The following NHLRC2 variants were observed in gnomAD, a reference collection of about 807,000 sequenced individuals.
NHLRC2 encodes the protein NHL repeat containing 2, also known as NHL repeat-containing protein 2.
Under a neutral mutation model 68.1 loss-of-function variants are expected in NHLRC2, and 33 were observed. The observed-to-expected ratio is 0.48, with a 90% CI of 0.37 to 0.65. NHLRC2 has a LOEUF of 0.65. Ranked by LOEUF, NHLRC2 falls within the 30% of genes least tolerant of loss-of-function variation. The pLI is 0.00. For missense variants in NHLRC2, 761 were observed against 853.8 expected, an observed-to-expected ratio of 0.89 and a Z score of 1.35; for synonymous variants, 311 against 309.6, an observed-to-expected ratio of 1.00 and a Z score of -0.05.
intron 5 of NHLRC2, among the ~76,000 whole-genome samples, chr10:113,895,558 A>G (rs1846168725): frequency 6.6e-6 from 1 of 152,156 alleles, no homozygotes; most frequent in African/African-American, 2.4e-5. Flanking sequence ...AGGATGAGAA[A>G]GGAGGGAGCA....
chr10:113,882,723 T>C (rs1846046380), intron 4 of NHLRC2, among the ~76,000 whole-genome samples: 2 of 151,828 alleles, frequency 1.3e-5, no homozygotes, highest in Non-Finnish European at 3.0e-5. Flanking sequence ...CATTTTTTCC[T>C]TTTGTTGCTT....
chr10:113,870,736 A>G (rs1378850016), intron 2 of NHLRC2, among the ~76,000 whole-genome samples: 6 of 152,196 alleles, frequency 3.9e-5, no homozygotes, highest in Non-Finnish European at 7.4e-5. Context: ...AAGTTGTACC[A>G]GTTTGTATTT....
Position 113,876,895 on chromosome 10 carries a change from G to A in NHLRC2, c.706G>A (p.Asp236Asn), listed in dbSNP as rs2134707263. The A allele has an allele frequency of 6.2e-7, 1 of 1,612,590 alleles. No homozygotes were observed. Among genetic ancestry groups the A allele is most frequent in the Non-Finnish European group, 8.5e-7 (1 of 1,179,158 alleles). The part of the protein sequence containing the change: ...PGKVTVDQVT[D>N]RLVIADTGHH... ...CAAAGTAACAGTAGACCAAGTTACTGATAGATTGGTAATAGCAGACACTGG... is the reference window on the plus strand; with the variant it reads ...CAAAGTAACAGTAGACCAAGTTACTAATAGATTGGTAATAGCAGACACTGG... Residue 236 changes from aspartate (D) to asparagine (N), a missense_variant, in exon 3 of 11, where the codon GAT becomes AAT. Coordinates refer to ENST00000369301, the MANE Select transcript of NHLRC2 (RefSeq NM_198514.4).
chr10:113,855,262 C>G (rs1845735888), intron 1 of NHLRC2, among the ~76,000 whole-genome samples: 1 of 152,216 alleles, frequency 6.6e-6, no homozygotes, highest in Non-Finnish European at 1.5e-5. Context: ...CACGGGGATC[C>G]ACATACTCGT....
intron 5 of NHLRC2, 29 bp from the exon 6 acceptor site, chr10:113,898,081 T>C (rs1278931546): frequency 2.2e-6 from 3 of 1,347,778 alleles, no homozygotes; most frequent in Admixed American, 1.7e-5. Context: ...CAGATATGTA[T>C]ATAATAATAA....
Position 113,913,356 on chromosome 10 carries a change from A to G in NHLRC2, c.*4820A>G, listed in dbSNP as rs893477501. 2.0e-5 allele frequency: 3 copies of G among 152,242 alleles called. No individual in the cohort carries two copies. Among genetic ancestry groups the G allele is most frequent in the Non-Finnish European group, 4.4e-5 (3 of 68,038 alleles). The allele number at this position is 152,242 out of a possible 1,614,324, so 9.4% of individuals were successfully genotyped here. On this transcript the variant is annotated 3_prime_UTR_variant, in exon 11 of 11. Coordinates refer to ENST00000369301, the MANE Select transcript of NHLRC2 (RefSeq NM_198514.4). ...TTGTTTCTGCAATTTAAATAAATCC[A>G]TTTAATTATACAACTTTGCATTATA...
chr10:113,884,609 CTA>C lies in NHLRC2; in HGVS notation c.1039+231_1039+232del, dbSNP rs951876032. Reference sequence around the variant, plus strand: ...TTACATATTTTATCTATAAGATAGACTATGTGTTACTCTAAAGAATTATATAT... The same window carrying C: ...TTACATATTTTATCTATAAGATAGACTGTGTTACTCTAAAGAATTATATAT... On this transcript the variant is annotated intron_variant, in intron 5 of 10. Coordinates refer to ENST00000369301, the MANE Select transcript of NHLRC2 (RefSeq NM_198514.4). Among the ~76,000 whole-genome samples the C allele has an allele frequency of 4.8e-4, 73 of 150,992 alleles. 2 individuals carry two copies. The highest frequency in any genetic ancestry group is 1.8e-3 in the Admixed American group (28 of 15,176).
At chr10:113,890,206 G>A (rs1846118891) in intron 5 of NHLRC2, among the ~76,000 whole-genome samples, 1 of 152,172 alleles carries the variant, frequency 6.6e-6, no homozygotes, top group Non-Finnish European at 1.5e-5. Context: ...TCTGCTGGCA[G>A]TGATTTTTCT....
intron 4 of NHLRC2, 117 bp from the exon 5 acceptor site, chr10:113,884,134 A>C (rs1240056645): frequency 9.9e-6 from 8 of 808,250 alleles, no homozygotes; most frequent in Non-Finnish European, 1.5e-5. Flanking sequence ...TCATAATAAA[A>C]CTTTGTACTG....
chr10:113,863,735 A>G (rs1404335104), intron 2 of NHLRC2, among the ~76,000 whole-genome samples: 3 of 152,166 alleles, frequency 2.0e-5, no homozygotes, highest in Non-Finnish European at 4.4e-5. Context: ...TAGCTAGACT[A>G]AGAAAAAAGA....
rs1271167903 is a variant in NHLRC2 at position 113,854,794 on chromosome 10, A to G, written c.-79A>G. 35 of 1,279,944 alleles carry G rather than the reference A, an allele frequency of 2.7e-5. No homozygotes were observed. Among genetic ancestry groups the G allele is most frequent in the Non-Finnish European group, 3.6e-5 (34 of 935,718 alleles). 79.3% of individuals were successfully genotyped at this position (1,279,944 alleles called of 1,614,324 possible). A position where few individuals can be genotyped will look rare whatever the true frequency, so the allele number is the denominator to read the frequency against. ...GAGGTGAATGCGCCGTTTGGAAACCACAGGACAGTGAACGTTTCGTCTCTC... is the reference window on the plus strand; with the variant it reads ...GAGGTGAATGCGCCGTTTGGAAACCGCAGGACAGTGAACGTTTCGTCTCTC... On this transcript the variant is annotated 5_prime_UTR_variant, in exon 1 of 11. Coordinates refer to ENST00000369301, the MANE Select transcript of NHLRC2 (RefSeq NM_198514.4).
At chr10:113,865,236 ACCGCGC>A (rs1422864211) in intron 2 of NHLRC2, among the ~76,000 whole-genome samples, 4 of 150,332 alleles carry the variant, frequency 2.7e-5, no homozygotes, top group Non-Finnish European at 5.9e-5. Flanking sequence ...GGTGTGAGCC[ACCGCGC>A]CCGGCCACAA....
intron 2 of NHLRC2, among the ~76,000 whole-genome samples, chr10:113,868,602 C>T (rs920144972): frequency 2.6e-5 from 4 of 152,114 alleles, no homozygotes; most frequent in East Asian, 1.9e-4. Context: ...TTCCTACTTA[C>T]GTACTAGGCA....
rs141593652 is a variant in NHLRC2 at position 113,893,550 on chromosome 10, CATT to C, written c.1040-4557_1040-4555del. Among the ~76,000 whole-genome samples the C allele has an allele frequency of 1.6e-4, 25 of 152,238 alleles. 1 individual carries two copies. The East Asian group carries it at 4.8e-3, about 29-fold the overall frequency. ...AGAAAGTGACCTGGGTGATGATTAT[CATT>C]ATCCTCATAAGTTGGTATGTAGAAT... On this transcript the variant is annotated intron_variant, in intron 5 of 10. Transcript: ENST00000369301.
At chr10:113,863,496 C>T (rs915535140) in intron 2 of NHLRC2, among the ~76,000 whole-genome samples, 2 of 151,780 alleles carry the variant, frequency 1.3e-5, no homozygotes, top group Admixed American at 6.6e-5. Flanking sequence ...GTTATAAATG[C>T]TTATATTAAA....
intron 10 of NHLRC2, among the ~76,000 whole-genome samples, chr10:113,907,886 T>C (rs1043409715): frequency 6.6e-6 from 1 of 152,190 alleles, no homozygotes; most frequent in Non-Finnish European, 1.5e-5. Flanking sequence ...CCCTAAAGAC[T>C]TTCATCTCTT....
chr10:113,864,856 G>C (rs1384405328), intron 2 of NHLRC2, among the ~76,000 whole-genome samples: 1 of 152,012 alleles, frequency 6.6e-6, no homozygotes, highest in Non-Finnish European at 1.5e-5. Flanking sequence ...TGTTAAATAT[G>C]TAAGAAATTT....
rs1381757584 is a variant in NHLRC2, at chr10:113,904,973, G to C, written c.1861G>C (p.Asp621His). ...GACTCTTCAGTTCAAACTCAGATTA[G>C]ACCTCCCATCAGGATCAAAGCTAAC... ...GQTLQFKLRLDLPSGSKLTEG... is the reference protein window; with the variant it reads ...GQTLQFKLRLHLPSGSKLTEG... Residue 621 changes from aspartate to histidine, a missense_variant, in exon 10 of 11, where the codon GAC becomes CAC. Asp to His is a moderately conservative substitution (Grantham distance 81, BLOSUM62 -1). Coordinates refer to ENST00000369301, the MANE Select transcript of NHLRC2 (RefSeq NM_198514.4). The C allele has an allele frequency of 6.4e-7, 1 of 1,561,994 alleles. No individual in the cohort carries two copies. Among genetic ancestry groups the C allele is most frequent in the Admixed American group, 2.0e-5 (1 of 48,812 alleles).
intron 5 of NHLRC2, among the ~76,000 whole-genome samples, chr10:113,887,354 A>AG (rs1238258856): frequency 3.3e-5 from 5 of 152,346 alleles, no homozygotes; most frequent in African/African-American, 1.2e-4. Context: ...GACTTAACAA[A>AG]GGCATTTAAA....
Sources: gnomAD v4.1 joint callset for allele counts (sites outside exome capture counted in the v4.1 genomes callset) on GRCh38, gnomAD v4.1.1 for gene constraint, MANE v1.5 for transcripts, NCBI Gene and HGNC (gene_info 2026-07-23, HGNC 2026-07-21) for gene names.